POLI: variants seen among roughly 807,000 people sequenced by gnomAD.
POLI encodes DNA polymerase iota, also known as RAD30 homolog B.
Under a neutral mutation model 51.6 loss-of-function variants are expected in POLI, and 58 were observed. The ratio of observed to expected loss-of-function variants is 1.12; its 90% CI spans 0.91 to 1.40. The LOEUF is 1.40. POLI is among the 40% of genes most tolerant of loss of function. POLI has a pLI of 0.00. For synonymous variants in POLI, 322 were observed against 299.7 expected (o/e 1.07, Z -0.77); for missense variants, 921 against 871.3 (o/e 1.06, Z -0.72).
intron 7 of POLI, among the ~76,000 whole-genome samples, chr18:54,285,887 T>C (rs1468596223): frequency 3.9e-5 from 6 of 152,170 alleles, no homozygotes; most frequent in Non-Finnish European, 2.9e-5. Flanking sequence ...TTTTATGTTT[T>C]TGCGATAGGG....
At chr18:54,309,922 C>T (rs916572470) in intron 3 of POLI, among the ~76,000 whole-genome samples, 24 of 152,184 alleles carry the variant, frequency 1.6e-4, no homozygotes, top group African/African-American at 3.6e-4. Context: ...CCTGGTGCGC[C>T]GTTTGCTAAG....
At chr18:54,269,859 G>A (rs185445719) in intron 1 of POLI, 198 bp downstream of exon 1, 1 of 1,328,854 alleles carries the variant, frequency 7.5e-7, no homozygotes, top group African/African-American at 1.5e-5. Context: ...GCAGGAGTAG[G>A]GTGGGGCGCG....
At chr18:54,304,139 T>C (rs747550798) in intron 3 of POLI, among the ~76,000 whole-genome samples, 1 of 152,182 alleles carries the variant, frequency 6.6e-6, no homozygotes, top group East Asian at 1.9e-4. Flanking sequence ...ATGTGACACA[T>C]TTTCTTAATC....
rs2088362231 is a variant in POLI, at chr18:54,296,987, G to A, written c.*2520G>A. 2.0e-6 allele frequency: 2 copies of A among 985,142 alleles called. No homozygotes were observed. Among genetic ancestry groups the A allele is most frequent in the Non-Finnish European group, 2.4e-6 (2 of 829,720 alleles). The allele number at this position is 985,142 out of a possible 1,614,324, so 61.0% of individuals were successfully genotyped here. A position where few individuals can be genotyped will look rare whatever the true frequency, so the allele number is the denominator to read the frequency against. ...GTGTTAATCTGCGAGAAGACAGAGG[G>A]CCTAAATTGTGTATGTTTTCCTTCA... On this transcript the variant is annotated 3_prime_UTR_variant, in exon 10 of 10. Coordinates refer to ENST00000579534, the MANE Select transcript of POLI (RefSeq NM_007195.3).
intron 4 of POLI, among the ~76,000 whole-genome samples, chr18:54,279,291 G>A (rs978917290): frequency 7.1e-6 from 1 of 141,692 alleles, no homozygotes. Flanking sequence ...CGCCCAGGCC[G>A]GAGTGCAGTG....
chr18:54,283,000 C>A lies in POLI; in HGVS notation c.960C>A (p.Leu320=). 6.2e-7 allele frequency: 1 copy of A among 1,604,248 alleles called. No homozygotes were observed. The highest frequency in any genetic ancestry group is 1.1e-5 in the South Asian group (1 of 90,312). The change falls in exon 6 of 10, where the codon CTC becomes CTA. Residue 320 remains leucine, a synonymous_variant. Coordinates refer to ENST00000579534, the MANE Select transcript of POLI (RefSeq NM_007195.3). ...GAGAGGATAACTCCCCTGTGATACT[C>A]TCAGGACCACCTCAGGTACATGATG... The part of the protein sequence containing the change: ...SFGEDNSPVI[L]SGPPQSFSEE...
intron 3 of POLI, among the ~76,000 whole-genome samples, chr18:54,277,462 T>C (rs1003205998): frequency 6.6e-6 from 1 of 152,190 alleles, no homozygotes; most frequent in Admixed American, 6.5e-5. Flanking sequence ...CTAGATATAT[T>C]GCCATGAATA....
chr18:54,302,592 C>T (rs2088511567), downstream of POLI, among the ~76,000 whole-genome samples: 1 of 152,140 alleles, frequency 6.6e-6, no homozygotes, highest in Non-Finnish European at 1.5e-5. Flanking sequence ...TATCCATCCC[C>T]TCAAGCATTT....
intron 3 of POLI, 66 bp downstream of exon 3, chr18:54,274,156 A>C: frequency 1.3e-6 from 1 of 750,194 alleles, no homozygotes; most frequent in African/African-American, 1.8e-5. Context: ...CATTACATGA[A>C]TTTTTTAATA....
intron 8 of POLI, among the ~76,000 whole-genome samples, chr18:54,291,075 G>A (rs1419828315): frequency 6.6e-6 from 1 of 152,240 alleles, no homozygotes; most frequent in East Asian, 1.9e-4. Flanking sequence ...TTTCAGTAAG[G>A]AGTGTATGGG....
rs2088156298 is a variant in POLI at position 54,293,940 on chromosome 18, A to G, written c.1696A>G (p.Arg566Gly). Residue 566 changes from arginine to glycine, a missense_variant, in exon 10 of 10, where the codon AGA becomes GGA. By Grantham distance (125) the Arg-to-Gly change is moderately radical. Transcript: ENST00000579534. ...TGTGAGTTGTCCATTACATGCCTCT[A>G]GAGGAGTATTATCTTTCTTTTCTAA... ...GSVSCPLHAS[R>G]GVLSFFSKKQ... 3 of 1,612,370 alleles carry G rather than the reference A, an allele frequency of 1.9e-6. No individual in the cohort carries two copies. The highest frequency in any genetic ancestry group is 1.3e-5 in the African/African-American group (1 of 74,884).
chr18:54,288,767 T>G (rs1189413989), intron 8 of POLI, among the ~76,000 whole-genome samples: 1 of 152,068 alleles, frequency 6.6e-6, no homozygotes, highest in Non-Finnish European at 1.5e-5. Flanking sequence ...GTTACTGTAC[T>G]TTTTAACTCT....
At chr18:54,306,489 A>C (rs1053382717) in intron 3 of POLI, among the ~76,000 whole-genome samples, 1 of 152,150 alleles carries the variant, frequency 6.6e-6, no homozygotes, top group Non-Finnish European at 1.5e-5. Context: ...TATTTTATTG[A>C]GGATTTTTGC....
intron 4 of POLI, 88 bp from the exon 5 acceptor site, chr18:54,280,579 G>C: frequency 1.3e-6 from 1 of 797,060 alleles, no homozygotes. Context: ...GTTGGATATA[G>C]ACTAAGCCCT....
At chr18:54,304,362 T>C in intron 3 of POLI, among the ~76,000 whole-genome samples, 1 of 152,224 alleles carries the variant, frequency 6.6e-6, no homozygotes, top group East Asian at 1.9e-4. Flanking sequence ...GTTGAACTAA[T>C]TTACACTCCC....
chr18:54,297,549 TG>T lies in POLI; in HGVS notation c.*3083del. ...TACAAATTTATTTGGATTTATTTTT[TG>T]CCATCTTATTTTTTAATATATTTCT... On this transcript the variant is annotated 3_prime_UTR_variant, in exon 10 of 10. Transcript: ENST00000579534. 1.0e-6 allele frequency: 1 copy of T among 976,862 alleles called. No homozygotes were observed. The highest frequency in any genetic ancestry group is 1.2e-6 in the Non-Finnish European group (1 of 822,176). The allele number at this position is 976,862 out of a possible 1,614,324, so 60.5% of individuals were successfully genotyped here. A position where few individuals can be genotyped will look rare whatever the true frequency, so the allele number is the denominator to read the frequency against.
At chr18:54,312,658 G>A (rs1189467483) in intron 3 of POLI, among the ~76,000 whole-genome samples, 1 of 152,176 alleles carries the variant, frequency 6.6e-6, no homozygotes, top group Non-Finnish European at 1.5e-5. Flanking sequence ...TCTGACTGGT[G>A]TGAGTTGGTA....
chr18:54,277,303 A>G (rs975613527), intron 3 of POLI, among the ~76,000 whole-genome samples: 4 of 152,232 alleles, frequency 2.6e-5, no homozygotes, highest in East Asian at 1.9e-4. Context: ...TGGAGAAAAT[A>G]TAGCTAAAAT....
chr18:54,308,743 C>T (rs971408829), intron 3 of POLI, among the ~76,000 whole-genome samples: 8 of 152,204 alleles, frequency 5.3e-5, no homozygotes, highest in Non-Finnish European at 1.2e-4. Context: ...TTGGTCTTTT[C>T]ACATAGTCCC....
Sources: allele counts gnomAD v4.1 joint callset (sites outside exome capture counted in the v4.1 genomes callset), GRCh38; gene constraint gnomAD v4.1.1; transcripts MANE v1.5; gene names NCBI Gene and HGNC (gene_info 2026-07-23, HGNC 2026-07-21).